The following JAKMIP3 variants were observed in gnomAD, a reference collection of about 807,000 sequenced individuals.
The protein encoded by JAKMIP3 is janus kinase and microtubule-interacting protein 3.
Under a neutral mutation model 118.5 loss-of-function variants are expected in JAKMIP3, and 58 were observed. That is an observed-to-expected ratio of 0.49 (90% CI 0.40 to 0.61). The LOEUF (loss-of-function observed/expected upper bound fraction) is 0.61, where lower values mean the gene tolerates loss of function less well. JAKMIP3 is among the 20% of genes least tolerant of loss of function. The pLI is 0.00. For missense variants in JAKMIP3, 950 were observed against 1,109.0 expected (o/e 0.86, Z 2.04); for synonymous variants, 486 against 451.2 (o/e 1.08, Z -0.98).
chr10:132,056,194 C>A (rs1486596863), intron 1 of JAKMIP3, among the ~76,000 whole-genome samples: 1 of 152,126 alleles, frequency 6.6e-6, no homozygotes, highest in Non-Finnish European at 1.5e-5. Context: ...TCTGTCACCC[C>A]CACACTCAGT....
intron 3 of JAKMIP3, among the ~76,000 whole-genome samples, chr10:132,124,225 C>T (rs930744317): frequency 1.1e-4 from 17 of 152,236 alleles, no homozygotes; most frequent in African/African-American, 3.4e-4. Context: ...CTGCTTTGCC[C>T]GCCCCGGTGC....
At chr10:132,068,049 T>C (rs1414693953) in intron 1 of JAKMIP3, among the ~76,000 whole-genome samples, 1 of 147,556 alleles carries the variant, frequency 6.8e-6, no homozygotes, top group Non-Finnish European at 1.5e-5. Flanking sequence ...GGCTTCCGTG[T>C]GGACTGTGGG....
chr10:132,145,649 G>A (rs2054459257), intron 13 of JAKMIP3, 69 bp downstream of exon 13: 1 of 1,339,930 alleles, frequency 7.5e-7, no homozygotes, highest in Admixed American at 2.0e-5. Context: ...AGTGGTCCCT[G>A]CGGGGCTGAA....
chr10:132,073,193 T>C (rs1248505460), intron 1 of JAKMIP3, among the ~76,000 whole-genome samples: 1 of 152,212 alleles, frequency 6.6e-6, no homozygotes, highest in Non-Finnish European at 1.5e-5. Context: ...TCTTTTCTTT[T>C]CCTTTTTTCT....
chr10:132,142,957 C>A (rs939338474), intron 11 of JAKMIP3, among the ~76,000 whole-genome samples: 1 of 152,150 alleles, frequency 6.6e-6, no homozygotes, highest in Non-Finnish European at 1.5e-5. Context: ...AGAGTGTCCA[C>A]AGAGCATCCC....
chr10:132,069,767 A>G (rs1289055705), intron 1 of JAKMIP3, among the ~76,000 whole-genome samples: 2 of 152,236 alleles, frequency 1.3e-5, no homozygotes, highest in East Asian at 1.9e-4. Context: ...TTTAGCAAAA[A>G]GAAGCAAAGT....
rs1314792188 is a variant in JAKMIP3 at position 132,153,005 on chromosome 10, C to G, written c.2055C>G (p.Val685=). The G allele has an allele frequency of 6.2e-7, 1 of 1,608,844 alleles. No individual in the cohort carries two copies. Among genetic ancestry groups the G allele is most frequent in the Non-Finnish European group, 8.5e-7 (1 of 1,177,990 alleles). Residue 685 remains valine (V), a synonymous_variant, in exon 17 of 24, where the codon GTC becomes GTG. Transcript: ENST00000684848. ...EQVVVIQART[V]LTLAEKWLQQ... Reference sequence around the variant, plus strand: ...TGGTTGTCATACAAGCCAGGACAGTCCTGACCTTGGCCGAAAAGGTAACAG... The same window carrying G: ...TGGTTGTCATACAAGCCAGGACAGTGCTGACCTTGGCCGAAAAGGTAACAG...
Position 132,180,544 on chromosome 10 carries a change from T to TGTGTGTGCGTGTGTGTGTGTGC in JAKMIP3, c.*1104-1812_*1104-1811insTGTGTGCGTGTGTGTGTGTGCG, listed in dbSNP as rs1269903177. ...AGAACTGTGTGTGTGTGTGTGTGTG[T>TGTGTGTGCGTGTGTGTGTGTGC]GCGTGCGTGCATGCGTGTGTGTGCG... On this transcript the variant is annotated intron_variant, in intron 23 of 23. Coordinates refer to ENST00000684848, the MANE Select transcript of JAKMIP3 (RefSeq NM_001323087.2). Among the ~76,000 whole-genome samples, 2 of 25,994 alleles carry TGTGTGTGCGTGTGTGTGTGTGC rather than the reference T, an allele frequency of 7.7e-5. 1 individual carries two copies. Among genetic ancestry groups the TGTGTGTGCGTGTGTGTGTGTGC allele is most frequent in the Non-Finnish European group, 1.3e-4 (2 of 14,974 alleles). The allele number at this position is 25,994 out of a possible 152,430, so 17.1% of individuals were successfully genotyped here. A position where few individuals can be genotyped will look rare whatever the true frequency, so the allele number is the denominator to read the frequency against.
At chr10:132,147,525 G>T (rs756987525) in intron 13 of JAKMIP3, among the ~76,000 whole-genome samples, 1 of 152,180 alleles carries the variant, frequency 6.6e-6, no homozygotes, top group Non-Finnish European at 1.5e-5. Context: ...AGGGGCACCC[G>T]GGAGCCACCT....
At chr10:132,037,041 G>A (rs894235460) in intron 1 of JAKMIP3, among the ~76,000 whole-genome samples, 1 of 152,222 alleles carries the variant, frequency 6.6e-6, no homozygotes, top group South Asian at 2.1e-4. Context: ...CTGGGGACCC[G>A]CATCTCCGTG....
intron 8 of JAKMIP3, 48 bp downstream of exon 8, chr10:132,137,337 G>T (rs1564943940): frequency 6.2e-7 from 1 of 1,609,450 alleles, no homozygotes; most frequent in Non-Finnish European, 8.5e-7. Context: ...TCCCCACGCA[G>T]TTGCCCGTGG....
intron 23 of JAKMIP3, among the ~76,000 whole-genome samples, chr10:132,180,740 T>C (rs1291704540): frequency 0.074 from 377 of 5,120 alleles, 71 homozygotes; most frequent in East Asian, 0.15. Context: ...CGTGTGTGCG[T>C]GCGTGCGCGC....
chr10:132,163,492 C>A, intron 20 of JAKMIP3, 80 bp downstream of exon 20: 1 of 1,303,018 alleles, frequency 7.7e-7, no homozygotes, highest in South Asian at 1.4e-5. Flanking sequence ...CTCCCACGGC[C>A]ACACCTCCAA....
rs536730680 is a variant in JAKMIP3 at position 132,088,213 on chromosome 10, G to A, written c.-137-16459G>A. Among the ~76,000 whole-genome samples, 4 of 152,222 alleles carry A rather than the reference G, an allele frequency of 2.6e-5. No homozygotes were observed. In the South Asian group the frequency reaches 8.3e-4, roughly 32 times the overall value. ...AGCAGCATGATTTATAATCCTTTGG[G>A]TATATACCCAGTAATGGGATGGCTG... On this transcript the variant is annotated intron_variant, in intron 1 of 23. Transcript: ENST00000684848.
At chr10:132,155,053 T>C (rs974193894) in intron 19 of JAKMIP3, among the ~76,000 whole-genome samples, 278 of 1,806 alleles carry the variant, frequency 0.15, 3 homozygotes, top group African/African-American at 0.28. Flanking sequence ...CATGATGACA[T>C]GGTGGTAGTA....
At chr10:132,132,196 T>G (rs1477892747) in intron 3 of JAKMIP3, among the ~76,000 whole-genome samples, 1 of 152,252 alleles carries the variant, frequency 6.6e-6, no homozygotes, top group Non-Finnish European at 1.5e-5. Context: ...ATCTCATTTC[T>G]TTGTTTCCAA....
At chr10:132,161,522 G>GGT (rs1207663981) in intron 19 of JAKMIP3, among the ~76,000 whole-genome samples, 10 of 71,634 alleles carry the variant, frequency 1.4e-4, no homozygotes, top group East Asian at 7.3e-4. Context: ...GATGCTGGGG[G>GGT]GCCTCTCCCT....
At chr10:132,096,309 CA>C (rs1479272120) in intron 1 of JAKMIP3, among the ~76,000 whole-genome samples, 2 of 152,296 alleles carry the variant, frequency 1.3e-5, no homozygotes, top group Non-Finnish European at 2.9e-5. Context: ...TCTTATATCT[CA>C]AAAGGGACTT....
chr10:132,133,512 C>A lies in JAKMIP3; in HGVS notation c.834C>A (p.Asp278Glu). 1 of 1,567,554 alleles carries A rather than the reference C, an allele frequency of 6.4e-7. No homozygotes were observed. The highest frequency in any genetic ancestry group is 2.4e-5 in the East Asian group (1 of 41,974). ...CAGCTGGTGCAGGAGACGCTTCAGA[C>A]CACTCGGGAAGCCCTGTAAGCACCT... ...PHAAGAGDASDHSGSPEQQLD... is the reference protein window; with the variant it reads ...PHAAGAGDASEHSGSPEQQLD... The change falls in exon 4 of 24, where the codon GAC (aspartate) becomes GAA (glutamate). Residue 278 changes from aspartate (D) to glutamate (E), a missense_variant. Physicochemically the swap from Asp to Glu is conservative, Grantham distance 45. Transcript: ENST00000684848.
Sources: gnomAD v4.1 joint callset for allele counts (sites outside exome capture counted in the v4.1 genomes callset) on GRCh38, gnomAD v4.1.1 for gene constraint, MANE v1.5 for transcripts, NCBI Gene and HGNC (gene_info 2026-07-23, HGNC 2026-07-21) for gene names.